KHDRBS2: variants seen among roughly 807,000 people sequenced by gnomAD.
The protein encoded by KHDRBS2 is KH RNA binding domain containing, signal transduction associated 2.
In KHDRBS2, 26 loss-of-function variants were observed where a neutral mutation model predicts 44.3. The observed-to-expected ratio is 0.59, with a 90% CI of 0.43 to 0.81. The LOEUF (loss-of-function observed/expected upper bound fraction) is 0.81, where lower values mean the gene tolerates loss of function less well. Among genes scored for constraint, KHDRBS2 ranks in the 40% least tolerant of loss-of-function variants. The pLI is 0.00. For synonymous variants in KHDRBS2, 194 were observed against 151.1 expected, an observed-to-expected ratio of 1.28 and a Z score of -2.08; for missense variants, 476 against 433.1, an observed-to-expected ratio of 1.10 and a Z score of -0.88.
intron 4 of KHDRBS2, among the ~76,000 whole-genome samples, chr6:61,977,837 A>G (rs2127402921): frequency 6.6e-6 from 1 of 152,234 alleles, no homozygotes; most frequent in African/African-American, 2.4e-5. Flanking sequence ...GCATGGCATG[A>G]CACCAGCATG....
chr6:62,077,997 T>C (rs566328768), intron 2 of KHDRBS2, among the ~76,000 whole-genome samples: 1 of 152,174 alleles, frequency 6.6e-6, no homozygotes, highest in South Asian at 2.1e-4. Flanking sequence ...CATCATACCA[T>C]ACATTTGAAA....
At chr6:61,580,442 G>A in the KHDRBS2 span, among the ~76,000 whole-genome samples, 2 of 152,156 alleles carry the variant, frequency 1.3e-5, no homozygotes, top group African/African-American at 4.8e-5. Flanking sequence ...GCTGCCCTCA[G>A]CGGTTACCAA....
At chr6:61,919,897 G>T (rs1807731969) in intron 4 of KHDRBS2, among the ~76,000 whole-genome samples, 1 of 133,654 alleles carries the variant, frequency 7.5e-6, no homozygotes, top group South Asian at 2.6e-4. Flanking sequence ...AAGGCACATG[G>T]GGTAAAAATA....
At chr6:62,155,946 T>C (rs745951260) in intron 2 of KHDRBS2, among the ~76,000 whole-genome samples, 18 of 152,184 alleles carry the variant, frequency 1.2e-4, no homozygotes, top group Admixed American at 9.2e-4. Context: ...TCAGAGTGCA[T>C]AATGGGCTCA....
At chr6:61,759,524 G>T (rs1489713405) in intron 6 of KHDRBS2, among the ~76,000 whole-genome samples, 2 of 147,778 alleles carry the variant, frequency 1.4e-5, no homozygotes, top group Admixed American at 6.8e-5. Flanking sequence ...TTTTTGAAGG[G>T]TTTTTTTTTT....
chr6:61,738,608 T>C (rs1775728251), intron 6 of KHDRBS2, among the ~76,000 whole-genome samples: 1 of 151,958 alleles, frequency 6.6e-6, no homozygotes, highest in Non-Finnish European at 1.5e-5. Flanking sequence ...TGCTATGAAT[T>C]ATAGACCACT....
chr6:61,846,998 G>A (rs1794514975), intron 6 of KHDRBS2, among the ~76,000 whole-genome samples: 1 of 151,822 alleles, frequency 6.6e-6, no homozygotes. Flanking sequence ...AACTGTCATA[G>A]TTTTTCTTGA....
intron 6 of KHDRBS2, among the ~76,000 whole-genome samples, chr6:61,820,117 G>C: frequency 6.6e-6 from 1 of 152,038 alleles, no homozygotes; most frequent in East Asian, 1.9e-4. Context: ...ACTTGTCTGA[G>C]CCAGAAAGAA....
intron 3 of KHDRBS2, among the ~76,000 whole-genome samples, chr6:62,000,053 A>C (rs1777946536): frequency 6.6e-6 from 1 of 152,132 alleles, no homozygotes; most frequent in South Asian, 2.1e-4. Flanking sequence ...TAATGTCTTT[A>C]CAGTTTCCAG....
At chr6:62,221,733 A>G (rs1337717215) in intron 1 of KHDRBS2, among the ~76,000 whole-genome samples, 1 of 152,142 alleles carries the variant, frequency 6.6e-6, no homozygotes, top group African/African-American at 2.4e-5. Flanking sequence ...AACAACTGAT[A>G]AGTCAATCAG....
intron 6 of KHDRBS2, among the ~76,000 whole-genome samples, chr6:61,837,190 C>T (rs962429835): frequency 1.3e-5 from 2 of 151,966 alleles, no homozygotes; most frequent in African/African-American, 4.8e-5. Flanking sequence ...CAGGACGTAT[C>T]TCATTCTATC....
At chr6:61,622,212 G>T in the KHDRBS2 span, among the ~76,000 whole-genome samples, 1 of 152,178 alleles carries the variant, frequency 6.6e-6, no homozygotes, top group Non-Finnish European at 1.5e-5. Flanking sequence ...TTAACTGCTT[G>T]CAAAGGTGTT....
intron 6 of KHDRBS2, among the ~76,000 whole-genome samples, chr6:61,847,381 C>T (rs1449609908): frequency 6.6e-6 from 1 of 152,132 alleles, no homozygotes; most frequent in Non-Finnish European, 1.5e-5. Context: ...TTCTCAGGCA[C>T]TTGGGAGCTA....
chr6:62,059,890 GA>G (rs1313025825), intron 2 of KHDRBS2, among the ~76,000 whole-genome samples: 2 of 151,654 alleles, frequency 1.3e-5, no homozygotes, highest in Non-Finnish European at 2.9e-5. Flanking sequence ...AAAAACAAGG[GA>G]AAACTTTTTA....
At chr6:61,809,372 T>C (rs2127592107) in intron 6 of KHDRBS2, among the ~76,000 whole-genome samples, 1 of 152,158 alleles carries the variant, frequency 6.6e-6, no homozygotes, top group East Asian at 1.9e-4. Flanking sequence ...ACAGCCCAAG[T>C]ACATGCTTTG....
intron 4 of KHDRBS2, among the ~76,000 whole-genome samples, chr6:61,904,845 A>G (rs1804670936): frequency 6.6e-6 from 1 of 152,124 alleles, no homozygotes; most frequent in South Asian, 2.1e-4. Flanking sequence ...TAACTCTTAT[A>G]TGTTCAATCC....
At chr6:61,799,286 G>A (rs9445316) in intron 6 of KHDRBS2, among the ~76,000 whole-genome samples, 4,702 of 151,960 alleles carry the variant, frequency 0.031, 264 homozygotes, top group African/African-American at 0.11. Flanking sequence ...GCTTTTCATT[G>A]CAGATTCCTA....
the KHDRBS2 span, among the ~76,000 whole-genome samples, chr6:61,592,962 GC>G: frequency 6.6e-6 from 1 of 152,094 alleles, no homozygotes; most frequent in African/African-American, 2.4e-5. Flanking sequence ...AAAACACAAA[GC>G]TAGGCATCTA....
intron 6 of KHDRBS2, among the ~76,000 whole-genome samples, chr6:61,742,703 T>C (rs566106870): frequency 6.6e-5 from 10 of 152,206 alleles, no homozygotes; most frequent in Admixed American, 2.6e-4. Context: ...TGGGAAGTCA[T>C]TATGTATTCA....
Sources: allele counts gnomAD v4.1 joint callset (sites outside exome capture counted in the v4.1 genomes callset), GRCh38; gene constraint gnomAD v4.1.1; transcripts MANE v1.5; gene names NCBI Gene and HGNC (gene_info 2026-07-23, HGNC 2026-07-21).